The following ZNF197 variants were observed in gnomAD, a reference collection of about 807,000 sequenced individuals.
The protein encoded by ZNF197 is VHL-associated KRAB-A domain-containing protein.
ZNF197 carries 14 observed loss-of-function variants against 27.4 expected under a neutral mutation model. The observed-to-expected ratio is 0.51, with a 90% CI of 0.34 to 0.80. The LOEUF is 0.80. ZNF197 is among the 30% of genes least tolerant of loss of function. ZNF197 has a pLI of 0.02. For missense variants in ZNF197, 1,090 were observed against 1,222.6 expected (o/e 0.89, Z 1.62); for synonymous variants, 415 against 420.0 (o/e 0.99, Z 0.15).
rs1702038919 is a variant in ZNF197, at chr3:44,631,985, GC to G, written c.551-118del. On this transcript the variant is annotated intron_variant, in intron 3 of 5. Transcript: ENST00000344387. The stretch of plus-strand genomic sequence containing the variant: ...CAAAGCTCTGGGATTACAGGTGTGA[GC>G]CACCACGCCCTGCCTTGTATCATTC... 2.2e-6 allele frequency: 2 copies of G among 900,394 alleles called. 1 individual carries two copies. The highest frequency in any genetic ancestry group is 4.5e-4 in the Middle Eastern group (2 of 4,476). The allele number at this position is 900,394 out of a possible 1,614,324, so 55.8% of individuals were successfully genotyped here. A position where few individuals can be genotyped will look rare whatever the true frequency, so the allele number is the denominator to read the frequency against.
intron 1 of ZNF197, among the ~76,000 whole-genome samples, chr3:44,628,130 T>C (rs1360491531): frequency 6.6e-6 from 1 of 152,208 alleles, no homozygotes; most frequent in Non-Finnish European, 1.5e-5. Context: ...AACTAAAAAT[T>C]TGTTATCAAG....
Position 44,642,486 on chromosome 3 carries a change from ACCTTATAAGT to A in ZNF197, c.1357_1366del (p.Pro453ValfsTer14). 1 of 1,613,978 alleles carries A rather than the reference ACCTTATAAGT, an allele frequency of 6.2e-7. No individual in the cohort carries two copies. The highest frequency in any genetic ancestry group is 8.5e-7 in the Non-Finnish European group (1 of 1,179,960). On this transcript the variant is annotated frameshift_variant, in exon 6 of 6. Transcript: ENST00000344387. LOFTEE classifies it low-confidence loss of function (END_TRUNC). ...ATCAGAGGATCCACACTGGGGAGAA[ACCTTATAAGT>A]GTAAGGAGTGTGGAAAGGGCTTCTA...
At chr3:44,626,396 G>A (rs1467241978) in intron 1 of ZNF197, among the ~76,000 whole-genome samples, 1 of 151,924 alleles carries the variant, frequency 6.6e-6, no homozygotes, top group Non-Finnish European at 1.5e-5. Context: ...CCCAGAAGTC[G>A]TAAAAGATTG....
Position 44,642,647 on chromosome 3 carries a change from G to A in ZNF197, c.1517G>A (p.Gly506Glu), listed in dbSNP as rs760567181. Residue 506 changes from glycine (G) to glutamate (E), a missense_variant, in exon 6 of 6, where the codon GGG (glycine) becomes GAG (glutamate). By Grantham distance (98) the Gly-to-Glu change is moderately conservative. Transcript: ENST00000344387. ...ATTGACCATCAGAGGCTCCACAAAG[G>A]GGAAGAACCTTATAAATGTAATAAG... ...YLIDHQRLHK[G>E]EEPYKCNKCQ... The A allele has an allele frequency of 1.9e-6, 3 of 1,614,010 alleles. No individual in the cohort carries two copies.
intron 1 of ZNF197, among the ~76,000 whole-genome samples, chr3:44,628,659 C>T (rs1224598303): frequency 6.6e-6 from 1 of 152,184 alleles, no homozygotes. Flanking sequence ...ATGTATTATA[C>T]ATCAAATTCT....
At chr3:44,631,627 A>G (rs1204780467) in intron 3 of ZNF197, among the ~76,000 whole-genome samples, 2 of 149,534 alleles carry the variant, frequency 1.3e-5, no homozygotes, top group African/African-American at 2.5e-5. Flanking sequence ...GATGGTCTTG[A>G]TCTGACCTTG....
chr3:44,641,988 A>T lies in ZNF197; in HGVS notation c.858A>T (p.Arg286Ser), dbSNP rs768812226. The T allele has an allele frequency of 6.2e-7, 1 of 1,613,776 alleles. No individual in the cohort carries two copies. Among genetic ancestry groups the T allele is most frequent in the East Asian group, 2.2e-5 (1 of 44,858 alleles). Residue 286 changes from arginine (R) to serine (S), a missense_variant, in exon 6 of 6, where the codon AGA becomes AGT. Transcript: ENST00000344387. Reference protein sequence around the residue: ...RADSHKGTSKRLQGSVPQVLD... With the variant: ...RADSHKGTSKSLQGSVPQVLD... Reference sequence around the variant, plus strand: ...ACTCTCATAAAGGAACATCAAAAAGACTTCAAGGAAGTGTTCCCCAGGTCC... The same window carrying T: ...ACTCTCATAAAGGAACATCAAAAAGTCTTCAAGGAAGTGTTCCCCAGGTCC...
Position 44,646,135 on chromosome 3 carries a change from C to G in ZNF197, c.*1915C>G, listed in dbSNP as rs1702942662. On this transcript the variant is annotated 3_prime_UTR_variant, in exon 6 of 6. Coordinates refer to ENST00000344387, the MANE Select transcript of ZNF197 (RefSeq NM_006991.5). ...GGCCTAAGGCTTAAAGTCTTAAGAC[C>G]TGGATGTGGTTCAGGTTTTGCCATC... 1 of 985,036 alleles carries G rather than the reference C, an allele frequency of 1.0e-6. No homozygotes were observed. Among genetic ancestry groups the G allele is most frequent in the South Asian group, 4.7e-5 (1 of 21,274 alleles). The allele number at this position is 985,036 out of a possible 1,614,324, so 61.0% of individuals were successfully genotyped here.
Position 44,646,446 on chromosome 3 carries a change from A to G in ZNF197, c.*2226A>G, listed in dbSNP as rs192834733. 2.2e-4 allele frequency: 355 copies of G among 1,613,180 alleles called. No homozygotes were observed. The African/African-American group carries it at 3.7e-3, about 17-fold the overall frequency. On this transcript the variant is annotated 3_prime_UTR_variant, in exon 6 of 6. Coordinates refer to ENST00000344387, the MANE Select transcript of ZNF197 (RefSeq NM_006991.5). ...CTTCTGTGATGTAATAAGCTGAAAA[A>G]TGTTCAACCTGAATTTAATCAAGCT...
In ZNF197 at chr3:44,644,427, T is replaced by C; in HGVS notation, c.*207T>C. On this transcript the variant is annotated 3_prime_UTR_variant, in exon 6 of 6. Coordinates refer to ENST00000344387, the MANE Select transcript of ZNF197 (RefSeq NM_006991.5). Reference sequence around the variant, plus strand: ...GCCGAAGCGAGTGGATCACCTGAGGTCAGGATTTTGAGACCAGCCTGACCA... The same window carrying C: ...GCCGAAGCGAGTGGATCACCTGAGGCCAGGATTTTGAGACCAGCCTGACCA... The C allele has an allele frequency of 8.1e-7, 1 of 1,232,278 alleles. No individual in the cohort carries two copies. Among genetic ancestry groups the C allele is most frequent in the Non-Finnish European group, 1.0e-6 (1 of 967,692 alleles). The allele number at this position is 1,232,278 out of a possible 1,614,324, so 76.3% of individuals were successfully genotyped here. A position where few individuals can be genotyped will look rare whatever the true frequency, so the allele number is the denominator to read the frequency against.
rs746979966 is a variant in ZNF197, at chr3:44,643,994, A to T, written c.2864A>T (p.Glu955Val). Residue 955 changes from glutamate (E) to valine (V), a missense_variant, in exon 6 of 6, where the codon GAG becomes GTG. Glu to Val is a moderately radical substitution (Grantham distance 121). Transcript: ENST00000344387. ...GGCCACCAGAGAATTCACACAGGGG[A>T]GAAACCCTATGGGTGTAATGATTGT... ...LVGHQRIHTG[E>V]KPYGCNDCSK... 1 of 1,614,084 alleles carries T rather than the reference A, an allele frequency of 6.2e-7. No homozygotes were observed. Among genetic ancestry groups the T allele is most frequent in the Non-Finnish European group, 8.5e-7 (1 of 1,180,040 alleles).
At chr3:44,628,566 G>A (rs536169588) in intron 1 of ZNF197, among the ~76,000 whole-genome samples, 29 of 152,188 alleles carry the variant, frequency 1.9e-4, no homozygotes, top group South Asian at 6.2e-4. Flanking sequence ...TTAACTCTGC[G>A]GAACATAGGA....
At position 44,640,448 on chromosome 3, in the gene ZNF197, G is replaced by T. The variant is rs199992041; in HGVS notation, c.770-1452G>T. Among the ~76,000 whole-genome samples, 1 of 152,100 alleles carries T rather than the reference G, an allele frequency of 6.6e-6. No homozygotes were observed. The highest frequency in any genetic ancestry group is 1.9e-4 in the East Asian group (1 of 5,176). ...GCTGGAATGCAGTGGTGTGATCTCG[G>T]CTCACTGCAACCTCTACCTCCCTGG... On this transcript the variant is annotated intron_variant, in intron 5 of 5. Transcript: ENST00000344387. The surrounding 1 kb of genome is among the most constrained non-coding windows in gnomAD (Gnocchi z 4.0).
chr3:44,642,692 T>G lies in ZNF197; in HGVS notation c.1562T>G (p.Leu521Arg). 6.2e-7 allele frequency: 1 copy of G among 1,613,990 alleles called. No homozygotes were observed. The highest frequency in any genetic ancestry group is 8.5e-7 in the Non-Finnish European group (1 of 1,179,998). The part of the protein sequence containing the change: ...KCNKCQKAFI[L>R]KKSLILHQRI... ...AATAAGTGTCAGAAAGCTTTCATTC[T>G]GAAGAAGAGCCTCATTCTGCACCAG... Residue 521 changes from leucine to arginine, a missense_variant, in exon 6 of 6, where the codon CTG becomes CGG. By Grantham distance (102) the Leu-to-Arg change is moderately radical (BLOSUM62 -2). Transcript: ENST00000344387.
At position 44,629,246 on chromosome 3, in the gene ZNF197, A is replaced by G; in HGVS notation, c.92A>G (p.Gln31Arg). The G allele has an allele frequency of 6.2e-7, 1 of 1,614,192 alleles. No homozygotes were observed. Among genetic ancestry groups the G allele is most frequent in the Non-Finnish European group, 8.5e-7 (1 of 1,180,016 alleles). ...ACCTGGAAATGGGGAACCAGCTTCC[A>G]AGGAAGTAGCTCCTCTGTTTGGGAG... is the stretch of plus-strand genomic sequence containing the variant. ...DDTWKWGTSF[Q>R]GSSSSVWETS... The change falls in exon 2 of 6, where the codon CAA becomes CGA. Residue 31 changes from glutamine (Q) to arginine (R), a missense_variant. Gln to Arg is a conservative substitution (Grantham distance 43, BLOSUM62 1). Transcript: ENST00000344387.
At chr3:44,637,015 T>A (rs1702333700) in intron 5 of ZNF197, among the ~76,000 whole-genome samples, 2 of 152,206 alleles carry the variant, frequency 1.3e-5, no homozygotes, top group African/African-American at 4.8e-5. Context: ...CGGAGAAAAC[T>A]GTCTATTCAG....
intron 5 of ZNF197, among the ~76,000 whole-genome samples, chr3:44,634,649 C>G (rs947915907): frequency 6.6e-6 from 1 of 151,932 alleles, no homozygotes; most frequent in Non-Finnish European, 1.5e-5. Flanking sequence ...GGGGTTTCGC[C>G]ATGTTGGCCA....
intron 4 of ZNF197, 106 bp from the exon 5 acceptor site, chr3:44,632,358 GATGTCTGTT>G (rs1288273017): frequency 3.3e-6 from 5 of 1,500,412 alleles, no homozygotes; most frequent in African/African-American, 1.4e-5. Context: ...ATGTCTCCCT[GATGTCTGTT>G]ATGCACTCAT....
chr3:44,648,288 A>T lies in ZNF197; in HGVS notation c.*4068A>T, dbSNP rs569009884. ...AAGGGATGCATGTTGAAGTATTTGG[A>T]ATGAAGTGTTCTGATGTTTACAACT... On this transcript the variant is annotated 3_prime_UTR_variant, in exon 6 of 6. Transcript: ENST00000344387. 8.5e-5 allele frequency: 13 copies of T among 152,292 alleles called. 2 individuals carry two copies. The South Asian group carries it at 2.7e-3, about 32-fold the overall frequency. The allele number at this position is 152,292 out of a possible 1,614,324, so 9.4% of individuals were successfully genotyped here.
Sources: gnomAD v4.1 joint callset for allele counts (sites outside exome capture counted in the v4.1 genomes callset) on GRCh38, gnomAD v4.1.1 for gene constraint, Gnocchi (gnomAD v3.1) non-coding constraint, MANE v1.5 for transcripts, NCBI Gene and HGNC (gene_info 2026-07-23, HGNC 2026-07-21) for gene names.